Variants in TAF12 observed in about 807,000 individuals in gnomAD.
TAF12 encodes TATA-box binding protein associated factor 12.
Under a neutral mutation model 20.8 loss-of-function variants are expected in TAF12, and 3 were observed. That is an observed-to-expected ratio of 0.14 (90% CI 0.07 to 0.37). The LOEUF (loss-of-function observed/expected upper bound fraction) is 0.37. Ranked by LOEUF, TAF12 falls within the 10% of genes least tolerant of loss-of-function variation. The probability of loss-of-function intolerance (pLI) is 1.00; values close to 1 mark genes in which losing one functional copy is unlikely to be tolerated. For synonymous variants in TAF12, 69 were observed against 70.2 expected (o/e 0.98, Z 0.09); for missense variants, 131 against 197.9 (o/e 0.66, Z 2.03).
rs1018966691 is a variant in TAF12 at position 28,619,575 on chromosome 1, G to T, written c.169-1545C>A. 1.3e-4 allele frequency among the ~76,000 whole-genome samples: 19 copies of T among 147,374 alleles called. No homozygotes were observed. In the East Asian group the frequency reaches 3.3e-3, roughly 26 times the overall value. On this transcript the variant is annotated intron_variant, in intron 2 of 5. Transcript: ENST00000373824. ...AAAAGTTAGGCACTTGACCTCCTCA[G>T]TGCCCATTTGAGTCTCTTCCAAGTG...
At chr1:28,625,832 C>T (rs188642578) in intron 1 of TAF12, among the ~76,000 whole-genome samples, 6 of 151,382 alleles carry the variant, frequency 4.0e-5, no homozygotes, top group African/African-American at 7.3e-5. Flanking sequence ...TGAGCCACCG[C>T]GCCTGGCCCC....
rs57029607 is a variant in TAF12 at position 28,628,643 on chromosome 1, G to C, written c.-84-6478C>G. Reference sequence around the variant, plus strand: ...ATTATACACTTTAAATCAGTGATTTGTGTGAAATGTGAATGATTTAAATAA... The same window carrying C: ...ATTATACACTTTAAATCAGTGATTTCTGTGAAATGTGAATGATTTAAATAA... On this transcript the variant is annotated intron_variant, in intron 1 of 5. Coordinates refer to ENST00000373824, the MANE Select transcript of TAF12 (RefSeq NM_005644.4). 2.9e-3 allele frequency among the ~76,000 whole-genome samples: 442 copies of C among 151,794 alleles called. 1 individual carries two copies. Among genetic ancestry groups the C allele is most frequent in the African/African-American group, 0.01 (432 of 41,410 alleles).
intron 1 of TAF12, among the ~76,000 whole-genome samples, chr1:28,622,653 C>T (rs1459703293): frequency 6.6e-6 from 1 of 152,076 alleles, no homozygotes; most frequent in Non-Finnish European, 1.5e-5. Context: ...TGTTGGGTGC[C>T]TGAAGTGGAA....
chr1:28,634,682 C>T (rs1667756544), intron 1 of TAF12, among the ~76,000 whole-genome samples: 1 of 152,172 alleles, frequency 6.6e-6, no homozygotes, highest in Admixed American at 6.6e-5. Context: ...GTAATCCCAA[C>T]ACTTTGGGAG....
In TAF12 at chr1:28,603,509, T is replaced by C. The variant is rs1666570715; in HGVS notation, c.*30A>G. ...CTCAGCTCAAGTATCTCCAAATACA[T>C]TGCTGTCCATTCCCTGACCTTTCCG... is the stretch of plus-strand genomic sequence containing the variant. On this transcript the variant is annotated 3_prime_UTR_variant, in exon 6 of 6. Coordinates refer to ENST00000373824, the MANE Select transcript of TAF12 (RefSeq NM_005644.4). 2.5e-6 allele frequency: 4 copies of C among 1,612,962 alleles called. No homozygotes were observed. Among genetic ancestry groups the C allele is most frequent in the African/African-American group, 2.7e-5 (2 of 74,920 alleles).
At chr1:28,627,440 T>A (rs1405329086) in intron 1 of TAF12, among the ~76,000 whole-genome samples, 1 of 146,658 alleles carries the variant, frequency 6.8e-6, no homozygotes, top group Non-Finnish European at 1.5e-5. Flanking sequence ...ACGCTTGTAA[T>A]CCCAGCACTT....
chr1:28,627,489 C>G (rs1667448305), intron 1 of TAF12, among the ~76,000 whole-genome samples: 1 of 150,996 alleles, frequency 6.6e-6, no homozygotes, highest in African/African-American at 2.4e-5. Context: ...GTCAGGAGAT[C>G]GAGACCATCC....
At chr1:28,612,532 TTATATATAAA>T (rs1666899072) in intron 4 of TAF12, among the ~76,000 whole-genome samples, 1 of 145,928 alleles carries the variant, frequency 6.9e-6, no homozygotes, top group South Asian at 2.1e-4. Flanking sequence ...TATATATAAA[TTATATATAAA>T]TATATATACA....
At chr1:28,619,032 AG>A (rs1667126086) in intron 2 of TAF12, among the ~76,000 whole-genome samples, 1 of 151,960 alleles carries the variant, frequency 6.6e-6, no homozygotes, top group Non-Finnish European at 1.5e-5. Flanking sequence ...TGGGGAACAC[AG>A]GAAGACCTCA....
intron 5 of TAF12, among the ~76,000 whole-genome samples, chr1:28,604,649 A>C (rs1330562827): frequency 6.6e-6 from 1 of 152,204 alleles, no homozygotes; most frequent in Non-Finnish European, 1.5e-5. Context: ...CTTTACAAAC[A>C]CCGGCTCCAG....
chr1:28,622,458 T>G (rs1667250584), intron 1 of TAF12, among the ~76,000 whole-genome samples: 1 of 152,054 alleles, frequency 6.6e-6, no homozygotes. Context: ...ATCCACAGGT[T>G]AAAAATTGAG....
intron 4 of TAF12, among the ~76,000 whole-genome samples, chr1:28,608,669 C>T (rs560181756): frequency 3.8e-4 from 57 of 150,532 alleles, no homozygotes; most frequent in Non-Finnish European, 7.0e-4. Context: ...GCAGGAGAAT[C>T]GCTTGAACCC....
At chr1:28,635,257 A>C (rs115396567) in intron 1 of TAF12, among the ~76,000 whole-genome samples, 5,383 of 147,032 alleles carry the variant, frequency 0.037, 335 homozygotes, top group African/African-American at 0.13. Flanking sequence ...AATAAAAAAA[A>C]CCACATCTAT....
intron 4 of TAF12, among the ~76,000 whole-genome samples, chr1:28,612,563 T>C (rs1666901484): frequency 7.1e-6 from 1 of 140,578 alleles, no homozygotes; most frequent in Non-Finnish European, 1.6e-5. Flanking sequence ...CACATAAATA[T>C]ATACATATAT....
chr1:28,646,796 T>G (rs1668200667), upstream of TAF12, among the ~76,000 whole-genome samples: 1 of 151,818 alleles, frequency 6.6e-6, no homozygotes, highest in Admixed American at 6.6e-5. Flanking sequence ...CCTCCTGGGT[T>G]CACGCCATTC....
rs1406205889 is a variant in TAF12, at chr1:28,604,223, G to T, written c.451-649C>A. ...CCTGGCCAAGCATGTGTTTTCTGGGGTCCCCTGACCCCAATCTTTTCTCCA... is the reference window on the plus strand; with the variant it reads ...CCTGGCCAAGCATGTGTTTTCTGGGTTCCCCTGACCCCAATCTTTTCTCCA... On this transcript the variant is annotated intron_variant, in intron 5 of 5. Coordinates refer to ENST00000373824, the MANE Select transcript of TAF12 (RefSeq NM_005644.4). 2.0e-5 allele frequency among the ~76,000 whole-genome samples: 3 copies of T among 152,112 alleles called. No individual in the cohort carries two copies. In the East Asian group the frequency reaches 5.8e-4, roughly 29 times the overall value.
chr1:28,627,990 C>T (rs1033105133), intron 1 of TAF12, among the ~76,000 whole-genome samples: 3 of 151,954 alleles, frequency 2.0e-5, no homozygotes, highest in African/African-American at 4.8e-5. Flanking sequence ...TAGGCTTATA[C>T]AACTGTCGAA....
chr1:28,642,722 C>T, intron 1 of TAF12: 3 of 985,468 alleles, frequency 3.0e-6, no homozygotes, highest in East Asian at 1.1e-4. Context: ...TGCGGGTCCT[C>T]ATAATCCTGC....
At chr1:28,614,632 G>A (rs1279418785) in intron 3 of TAF12, among the ~76,000 whole-genome samples, 12 of 150,732 alleles carry the variant, frequency 8.0e-5, no homozygotes, top group Non-Finnish European at 1.3e-4. Flanking sequence ...GCAGTGAGCC[G>A]AGACTGAACC....
Sources: allele counts gnomAD v4.1 joint callset (sites outside exome capture counted in the v4.1 genomes callset), GRCh38; gene constraint gnomAD v4.1.1; transcripts MANE v1.5; gene names NCBI Gene and HGNC (gene_info 2026-07-23, HGNC 2026-07-21).